FAM83B: variants seen among roughly 807,000 people sequenced by gnomAD.
FAM83B encodes protein FAM83B.
FAM83B carries 26 observed loss-of-function variants against 38.8 expected under a neutral mutation model. That is an observed-to-expected ratio of 0.67 (90% CI 0.49 to 0.93). The LOEUF is 0.93. Ranked by LOEUF, FAM83B falls within the 40% of genes least tolerant of loss-of-function variation. The pLI is 0.00. For missense variants in FAM83B, 1,237 were observed against 1,197.3 expected (o/e 1.03, Z -0.49); for synonymous variants, 419 against 423.1 (o/e 0.99, Z 0.12).
chr6:54,932,912 C>G (rs530187996), intron 4 of FAM83B, among the ~76,000 whole-genome samples: 4 of 152,252 alleles, frequency 2.6e-5, no homozygotes, highest in African/African-American at 9.6e-5. Flanking sequence ...TTAAACAGGT[C>G]TGATTATAAT....
At chr6:54,917,472 T>C (rs1773072120) in intron 2 of FAM83B, among the ~76,000 whole-genome samples, 1 of 152,130 alleles carries the variant, frequency 6.6e-6, no homozygotes, top group African/African-American at 2.4e-5. Flanking sequence ...AATTAATAAT[T>C]TAATCATTTC....
intron 1 of FAM83B, among the ~76,000 whole-genome samples, chr6:54,866,386 G>A (rs764984130): frequency 4.2e-4 from 64 of 151,818 alleles, no homozygotes; most frequent in African/African-American, 1.2e-3. Context: ...ATACTGTATC[G>A]TAACCAATAT....
chr6:54,932,275 G>T (rs572244756), intron 4 of FAM83B, among the ~76,000 whole-genome samples: 21 of 152,060 alleles, frequency 1.4e-4, no homozygotes, highest in Non-Finnish European at 2.6e-4. Flanking sequence ...ACCTCCCAAA[G>T]TGCTGGGATT....
At chr6:54,889,678 T>C (rs916989376) in intron 2 of FAM83B, among the ~76,000 whole-genome samples, 1 of 152,122 alleles carries the variant, frequency 6.6e-6, no homozygotes, top group Non-Finnish European at 1.5e-5. Flanking sequence ...TAATTGCTGT[T>C]TTTTAAATCA....
At chr6:54,874,570 T>C (rs188439640) in intron 2 of FAM83B, among the ~76,000 whole-genome samples, 4 of 152,168 alleles carry the variant, frequency 2.6e-5, no homozygotes, top group Non-Finnish European at 4.4e-5. Flanking sequence ...ACTCCTCTTA[T>C]GAAAACATCC....
At chr6:54,915,774 C>T (rs1017578427) in intron 2 of FAM83B, among the ~76,000 whole-genome samples, 2 of 137,122 alleles carry the variant, frequency 1.5e-5, no homozygotes, top group Non-Finnish European at 3.1e-5. Context: ...CCACTGCAGT[C>T]CGCAGTCCGG....
chr6:54,847,497 TG>T (rs1369047207), intron 1 of FAM83B, among the ~76,000 whole-genome samples: 2 of 152,158 alleles, frequency 1.3e-5, no homozygotes. Context: ...CAGGAGAGCC[TG>T]TACCTACCAA....
At position 54,941,520 on chromosome 6, in the gene FAM83B, C is replaced by CAGTT; in HGVS notation, c.2552_2555dup (p.Pro853Ter). ...ATCCACAAGAGTAAGGAAGATGTAACAGTTAGCCCATCTCAAGAGATAAAT... is the reference window on the plus strand; with the variant it reads ...ATCCACAAGAGTAAGGAAGATGTAACAGTTAGTTAGCCCATCTCAAGAGATAAAT... On this transcript the variant is annotated frameshift_variant, in exon 5 of 5. Transcript: ENST00000306858. LOFTEE classifies it low-confidence loss of function (END_TRUNC). 1 of 1,614,020 alleles carries CAGTT rather than the reference C, an allele frequency of 6.2e-7. No individual in the cohort carries two copies. Among genetic ancestry groups the CAGTT allele is most frequent in the Non-Finnish European group, 8.5e-7 (1 of 1,179,988 alleles).
intron 1 of FAM83B, among the ~76,000 whole-genome samples, chr6:54,847,843 C>T (rs1472329747): frequency 2.0e-5 from 3 of 152,122 alleles, no homozygotes; most frequent in Admixed American, 2.0e-4. Flanking sequence ...GGCCAGAACA[C>T]TTAAGAAGAA....
At chr6:54,923,135 T>C (rs528030175) in intron 2 of FAM83B, among the ~76,000 whole-genome samples, 1 of 152,230 alleles carries the variant, frequency 6.6e-6, no homozygotes, top group East Asian at 1.9e-4. Context: ...TCCATTATAA[T>C]GGGAAGTAAA....
rs532425057 is a variant in FAM83B at position 54,883,144 on chromosome 6, C to T, written c.444+12454C>T. On this transcript the variant is annotated intron_variant, in intron 2 of 4. Transcript: ENST00000306858. ...TATTTTTAGTAGAGACTGGTTTCAC[C>T]GTGTTAGCCAGGATGGTCTCTATCT... Among the ~76,000 whole-genome samples the T allele has an allele frequency of 2.3e-3, 352 of 151,842 alleles. 1 individual carries two copies. The highest frequency in any genetic ancestry group is 8.1e-3 in the African/African-American group (334 of 41,456).
rs138421344 is a variant in FAM83B, at chr6:54,911,140, CGTGT to C, written c.445-15208_445-15205del. Reference sequence around the variant, plus strand: ...GAGAGGAATGCAGAATGACACACAGCGTGTGTGTGTGTGTGTGTGTGTGTGTATG... The same window carrying C: ...GAGAGGAATGCAGAATGACACACAGCGTGTGTGTGTGTGTGTGTGTGTATG... On this transcript the variant is annotated intron_variant, in intron 2 of 4. Transcript: ENST00000306858. Among the ~76,000 whole-genome samples the C allele has an allele frequency of 1.6e-4, 24 of 147,490 alleles. 1 individual carries two copies. Among genetic ancestry groups the C allele is most frequent in the Admixed American group, 1.4e-3 (21 of 14,792 alleles).
chr6:54,941,327 A>G lies in FAM83B; in HGVS notation c.2356A>G (p.Lys786Glu). Residue 786 changes from lysine to glutamate, a missense_variant, in exon 5 of 5, where the codon AAA becomes GAA. Coordinates refer to ENST00000306858, the MANE Select transcript of FAM83B (RefSeq NM_001010872.3). ...ATTACTTAGCCTTACCCCAGATAAG[A>G]AAGAAAATCTATCCAAAAATAAAGC... Reference protein sequence around the residue: ...RSLLSLTPDKKENLSKNKAPA... With the variant: ...RSLLSLTPDKEENLSKNKAPA... 6.2e-7 allele frequency: 1 copy of G among 1,612,576 alleles called. No individual in the cohort carries two copies. Among genetic ancestry groups the G allele is most frequent in the Non-Finnish European group, 8.5e-7 (1 of 1,179,690 alleles).
At chr6:54,874,140 A>T (rs1771931588) in intron 2 of FAM83B, among the ~76,000 whole-genome samples, 1 of 152,066 alleles carries the variant, frequency 6.6e-6, no homozygotes, top group Non-Finnish European at 1.5e-5. Flanking sequence ...TGAGCTCTTG[A>T]TCATTTTGCT....
chr6:54,851,622 G>A (rs1234575404), intron 1 of FAM83B, among the ~76,000 whole-genome samples: 2 of 148,410 alleles, frequency 1.3e-5, no homozygotes, highest in Non-Finnish European at 1.5e-5. Context: ...ACAGGCAGGC[G>A]CTACCATGCC....
chr6:54,935,315 A>G (rs1240307750), intron 4 of FAM83B, among the ~76,000 whole-genome samples: 18 of 152,176 alleles, frequency 1.2e-4, no homozygotes, highest in Admixed American at 1.2e-3. Context: ...AAGGGAGAAC[A>G]TACAAGAAAC....
chr6:54,874,747 G>A (rs907085104), intron 2 of FAM83B, among the ~76,000 whole-genome samples: 1 of 151,922 alleles, frequency 6.6e-6, no homozygotes, highest in Non-Finnish European at 1.5e-5. Context: ...CTTTTTTTGT[G>A]AGATGTGAAT....
intron 2 of FAM83B, among the ~76,000 whole-genome samples, chr6:54,881,693 C>A (rs1452087147): frequency 6.6e-6 from 1 of 152,110 alleles, no homozygotes; most frequent in Non-Finnish European, 1.5e-5. Context: ...TTGAGAAAGT[C>A]CAAAGTCACC....
intron 1 of FAM83B, among the ~76,000 whole-genome samples, chr6:54,857,658 G>A (rs892296802): frequency 6.6e-6 from 1 of 152,084 alleles, no homozygotes; most frequent in African/African-American, 2.4e-5. Context: ...CAACATGATG[G>A]GGCCAGTGGT....
Sources: allele counts gnomAD v4.1 joint callset (sites outside exome capture counted in the v4.1 genomes callset), GRCh38; gene constraint gnomAD v4.1.1; transcripts MANE v1.5; gene names NCBI Gene and HGNC (gene_info 2026-07-23, HGNC 2026-07-21).